The following TNNT3 variants were observed in gnomAD, a reference collection of about 807,000 sequenced individuals.
TNNT3 encodes the protein troponin T, fast skeletal muscle.
In TNNT3, 36 loss-of-function variants were observed where a neutral mutation model predicts 54.2. The observed-to-expected ratio is 0.66, with a 90% CI of 0.51 to 0.88. The LOEUF is 0.88. Ranked by LOEUF, TNNT3 falls within the 40% of genes least tolerant of loss-of-function variation. TNNT3 has a pLI of 0.00. For synonymous variants in TNNT3, 120 were observed against 109.7 expected, an observed-to-expected ratio of 1.09 and a Z score of -0.59; for missense variants, 291 against 331.6, an observed-to-expected ratio of 0.88 and a Z score of 0.95.
At chr11:1,928,768 C>T (rs898097466) in intron 6 of TNNT3, among the ~76,000 whole-genome samples, 1 of 152,144 alleles carries the variant, frequency 6.6e-6, no homozygotes, top group African/African-American at 2.4e-5. Flanking sequence ...TCTCAGATGC[C>T]AAGGTTGGCC....
At position 1,934,928 on chromosome 11, in the gene TNNT3, C is replaced by T. The variant is rs149996049; in HGVS notation, c.681+9C>T. 7.6e-4 allele frequency: 1,222 copies of T among 1,612,730 alleles called. 1 individual carries two copies. The highest frequency in any genetic ancestry group is 9.5e-4 in the Non-Finnish European group (1,124 of 1,179,550). ...AACGCCAGAAATATGACGTGAGTCCCGGCACCTCCGGCCCTGGGGCCCTAG... is the reference window on the plus strand; with the variant it reads ...AACGCCAGAAATATGACGTGAGTCCTGGCACCTCCGGCCCTGGGGCCCTAG... On this transcript the variant is annotated intron_variant, in intron 14 of 15. Transcript: ENST00000278317.
chr11:1,927,409 G>A (rs1466371844), intron 6 of TNNT3, among the ~76,000 whole-genome samples: 1 of 152,216 alleles, frequency 6.6e-6, no homozygotes, highest in Non-Finnish European at 1.5e-5. Context: ...AGGGGCCCCA[G>A]CTGGGGAGTG....
chr11:1,938,346 G>C, intron 15 of TNNT3, 92 bp from the exon 16 acceptor site: 1 of 1,395,020 alleles, frequency 7.2e-7, no homozygotes, highest in Non-Finnish European at 1.0e-6. Flanking sequence ...GAGCAGCCTG[G>C]GGTCGGGCTG....
At position 1,929,008 on chromosome 11, in the gene TNNT3, C is replaced by T. The variant is rs556446179; in HGVS notation, c.83-112C>T. 6.7e-5 allele frequency: 84 copies of T among 1,247,826 alleles called. No individual in the cohort carries two copies. The South Asian group carries it at 7.5e-4, about 11-fold the overall frequency. 77.3% of individuals were successfully genotyped at this position (1,247,826 alleles called of 1,614,324 possible). A position where few individuals can be genotyped will look rare whatever the true frequency, so the allele number is the denominator to read the frequency against. ...GGCACACCCTGGAGAAGAGAGTGTC[C>T]GAGTGAGAGGGGTGGGCCCCTTGCC... On this transcript the variant is annotated intron_variant, in intron 6 of 15. Transcript: ENST00000278317.
chr11:1,935,305 G>A (rs951296584), intron 14 of TNNT3: 12 of 350,816 alleles, frequency 3.4e-5, no homozygotes, highest in South Asian at 4.6e-5. Context: ...CACCGAGTCC[G>A]TCTGGTGTGG....
At chr11:1,929,861 A>C (rs1257376675) in intron 8 of TNNT3, 33 bp downstream of exon 8, 2 of 1,402,720 alleles carry the variant, frequency 1.4e-6, no homozygotes. Context: ...CCCGCTGCTG[A>C]GTGTGTTCTG....
At chr11:1,934,737 C>T in intron 13 of TNNT3, 82 bp downstream of exon 13, 1 of 1,595,656 alleles carries the variant, frequency 6.3e-7, no homozygotes, top group Non-Finnish European at 8.6e-7. Context: ...CTGCCAAGGA[C>T]CGTGCTCCCC....
Position 1,922,871 on chromosome 11 carries a change from C to T in TNNT3, c.-4C>T, listed in dbSNP as rs1484605202. On this transcript the variant is annotated 5_prime_UTR_variant, in exon 2 of 16. Transcript: ENST00000278317. ...TCTCTCTGCAGAAACCACCCACCTT[C>T]ACCATGTCTGACGAGGAAGTGTGAG... The T allele has an allele frequency of 1.7e-5, 28 of 1,613,464 alleles. No individual in the cohort carries two copies. Among genetic ancestry groups the T allele is most frequent in the Non-Finnish European group, 2.0e-5 (24 of 1,179,986 alleles).
At chr11:1,932,092 G>C (rs1018090843) in intron 8 of TNNT3, among the ~76,000 whole-genome samples, 22 of 152,310 alleles carry the variant, frequency 1.4e-4, no homozygotes, top group African/African-American at 5.3e-4. Context: ...CCTGCCCAGG[G>C]AGGCCACCGC....
chr11:1,936,951 T>G lies in TNNT3; in HGVS notation c.682-12T>G. The G allele has an allele frequency of 6.2e-7, 1 of 1,604,694 alleles. No homozygotes were observed. The highest frequency in any genetic ancestry group is 8.5e-7 in the Non-Finnish European group (1 of 1,177,042). On this transcript the variant is annotated splice_polypyrimidine_tract_variant and intron_variant, in intron 14 of 15. Coordinates refer to ENST00000278317, the MANE Select transcript of TNNT3 (RefSeq NM_006757.4). ...TCGGGTCGTCGCAGTGAGTCACTCA[T>G]GTTGTTCACAGATCACCACGCTCAG...
chr11:1,928,990 C>G (rs538187765), intron 6 of TNNT3, 130 bp from the exon 7 acceptor site: 2 of 1,094,962 alleles, frequency 1.8e-6, no homozygotes, highest in Non-Finnish European at 2.8e-6. Flanking sequence ...GCAGGCACAC[C>G]CTGGAGAAGA....
chr11:1,920,498 G>T (rs909114), intron 1 of TNNT3, among the ~76,000 whole-genome samples: 2,902 of 135,452 alleles, frequency 0.021, 43 homozygotes, highest in Non-Finnish European at 0.031. Flanking sequence ...CCTGGACACG[G>T]TCCCCCTGAC....
chr11:1,938,316 G>C, intron 15 of TNNT3, 122 bp from the exon 16 acceptor site: 1 of 1,083,098 alleles, frequency 9.2e-7, no homozygotes, highest in Non-Finnish European at 1.4e-6. Flanking sequence ...CCGCAAGCTT[G>C]GGCCGGGCCT....
At chr11:1,936,337 G>T (rs1232399680) in intron 14 of TNNT3, 239 of 1,470,354 alleles carry the variant, frequency 1.6e-4, no homozygotes, top group Non-Finnish European at 2.2e-4. Flanking sequence ...CAAAAACCTG[G>T]ATCGCTCAGG....
In TNNT3 at chr11:1,938,614, G is replaced by A. The variant is rs779728946; in HGVS notation, c.*122G>A. The stretch of plus-strand genomic sequence containing the variant: ...TCAGGGGCTCCCTGACAGTCCTGGG[G>A]GTGGAGAGGCCATCCCGGGGCGTCC... On this transcript the variant is annotated 3_prime_UTR_variant, in exon 16 of 16. Coordinates refer to ENST00000278317, the MANE Select transcript of TNNT3 (RefSeq NM_006757.4). 1 of 1,072,464 alleles carries A rather than the reference G, an allele frequency of 9.3e-7. No homozygotes were observed. Among genetic ancestry groups the A allele is most frequent in the Admixed American group, 2.0e-5 (1 of 50,904 alleles). 66.4% of individuals were successfully genotyped at this position (1,072,464 alleles called of 1,614,324 possible).
rs1031243041 is a variant in TNNT3 at position 1,929,898 on chromosome 11, G to C, written c.125+70G>C. 17 of 1,531,236 alleles carry C rather than the reference G, an allele frequency of 1.1e-5. No homozygotes were observed. The South Asian group carries it at 1.9e-4, about 18-fold the overall frequency. 94.9% of individuals were successfully genotyped at this position (1,531,236 alleles called of 1,614,324 possible). A position where few individuals can be genotyped will look rare whatever the true frequency, so the allele number is the denominator to read the frequency against. On this transcript the variant is annotated intron_variant, in intron 8 of 15. Transcript: ENST00000278317. ...GGTGGGGGTGGTCAAGTGAGTGTGG[G>C]GTCCTGGCAGGCCCAGTGCCGAGTG...
chr11:1,920,770 C>G (rs750029760), intron 1 of TNNT3, among the ~76,000 whole-genome samples: 1 of 152,204 alleles, frequency 6.6e-6, no homozygotes, highest in East Asian at 1.9e-4. Flanking sequence ...TAACTGGACA[C>G]CTGCTTTGCG....
chr11:1,937,242 A>G (rs1855387766), intron 15 of TNNT3, among the ~76,000 whole-genome samples: 1 of 152,044 alleles, frequency 6.6e-6, no homozygotes. Context: ...GAGGGATCCC[A>G]ATGGGGCTTG....
chr11:1,936,494 G>A (rs1042879816), intron 14 of TNNT3, among the ~76,000 whole-genome samples: 10 of 152,218 alleles, frequency 6.6e-5, no homozygotes, highest in Non-Finnish European at 1.3e-4. Flanking sequence ...AGCCAGCAGC[G>A]GCCACAGAGT....
Sources: gnomAD v4.1 joint callset for allele counts (sites outside exome capture counted in the v4.1 genomes callset) on GRCh38, gnomAD v4.1.1 for gene constraint, MANE v1.5 for transcripts, NCBI Gene and HGNC (gene_info 2026-07-23, HGNC 2026-07-21) for gene names.